The following BLTP2 variants were observed in gnomAD, a reference collection of about 807,000 sequenced individuals.
BLTP2 encodes bridge-like lipid transfer protein family member 2.
the BLTP2 span, chr17:28,638,654 C>T: frequency 6.1e-6 from 9 of 1,467,906 alleles, no homozygotes; most frequent in South Asian, 5.9e-5. Flanking sequence ...TGCATAGGAA[C>T]AAGACATCAT....
At chr17:28,631,692 G>C in the BLTP2 span, 2 of 1,613,828 alleles carry the variant, frequency 1.2e-6, no homozygotes, top group East Asian at 2.2e-5. Context: ...CTGAGAAAAA[G>C]AGGCACACAG....
chr17:28,639,726 G>A, the BLTP2 span: 4 of 1,434,906 alleles, frequency 2.8e-6, no homozygotes, highest in Non-Finnish European at 3.9e-6. Context: ...GCCGGCAAAG[G>A]GATCAACAGA....
chr17:28,628,520 G>A, the BLTP2 span: 3 of 1,614,080 alleles, frequency 1.9e-6, no homozygotes, highest in South Asian at 1.1e-5. Flanking sequence ...TGCAGCTGAT[G>A]TGTATGAAAG....
the BLTP2 span, chr17:28,616,105 G>A: frequency 1.4e-5 from 23 of 1,612,722 alleles, no homozygotes; most frequent in Non-Finnish European, 2.0e-5. The surrounding 1 kb of genome is among the most constrained non-coding windows in gnomAD (Gnocchi z 4.8). Context: ...CCTTGTAGCT[G>A]ACACACAGTG....
At chr17:28,617,010 G>C in the BLTP2 span, 1 of 1,591,760 alleles carries the variant, frequency 6.3e-7, no homozygotes, top group African/African-American at 1.3e-5. Context: ...CTGTAGGATA[G>C]AGAGTAAAGA....
the BLTP2 span, chr17:28,632,065 A>G: frequency 6.2e-7 from 1 of 1,612,904 alleles, no homozygotes; most frequent in Non-Finnish European, 8.5e-7. Flanking sequence ...CTGGGGAAAG[A>G]GGGCTGTATA....
chr17:28,644,965 G>C, the BLTP2 span: 34 of 1,558,270 alleles, frequency 2.2e-5, no homozygotes, highest in African/African-American at 2.0e-4. Flanking sequence ...CGCCGCCGCC[G>C]CCGGCGCGGC....
At chr17:28,626,169 T>C in the BLTP2 span, among the ~76,000 whole-genome samples, 1 of 152,162 alleles carries the variant, frequency 6.6e-6, no homozygotes, top group African/African-American at 2.4e-5. Flanking sequence ...CCCAGATCTG[T>C]CTTCATAAAA....
At chr17:28,642,826 G>A in the BLTP2 span, 3 of 1,134,248 alleles carry the variant, frequency 2.6e-6, no homozygotes, top group East Asian at 4.7e-5. Context: ...GCAACTCTGA[G>A]GCAAGAATAG....
At chr17:28,628,496 G>A in the BLTP2 span, 2 of 1,614,096 alleles carry the variant, frequency 1.2e-6, no homozygotes, top group Non-Finnish European at 1.7e-6. Flanking sequence ...CAGGAAATCC[G>A]TAAATCTACT....
chr17:28,617,616 C>T, the BLTP2 span, among the ~76,000 whole-genome samples: 1 of 152,182 alleles, frequency 6.6e-6, no homozygotes, highest in African/African-American at 2.4e-5. Context: ...TTCTTTACGT[C>T]AATGGCAGAA....
At chr17:28,641,934 G>A in the BLTP2 span, 3 of 1,614,090 alleles carry the variant, frequency 1.9e-6, no homozygotes, top group Middle Eastern at 1.7e-4. Context: ...CCCTGGCACA[G>A]CAGTTGGCTC....
chr17:28,635,120 A>G, the BLTP2 span: 2 of 1,613,648 alleles, frequency 1.2e-6, no homozygotes, highest in Non-Finnish European at 1.7e-6. Context: ...ACCGAGACTG[A>G]GCCGAAAGAG....
chr17:28,639,359 T>G, the BLTP2 span: 1 of 1,614,168 alleles, frequency 6.2e-7, no homozygotes, highest in Admixed American at 1.7e-5. Context: ...ACCCTTGGGT[T>G]TCCAGTGCTA....
chr17:28,637,112 A>G, the BLTP2 span: 1 of 1,614,196 alleles, frequency 6.2e-7, no homozygotes, highest in Admixed American at 1.7e-5. Context: ...GAATCCCCAC[A>G]GTGGACGTCT....
the BLTP2 span, among the ~76,000 whole-genome samples, chr17:28,629,634 C>T: frequency 1.3e-5 from 2 of 152,246 alleles, no homozygotes; most frequent in Non-Finnish European, 2.9e-5. Context: ...CCTGCCACCA[C>T]GCCCAGCAAA....
chr17:28,643,763 A>G, the BLTP2 span: 1 of 1,161,228 alleles, frequency 8.6e-7, no homozygotes. Context: ...TCTCTTTCAT[A>G]GCCATGTTGC....
At chr17:28,641,647 T>TA in the BLTP2 span, among the ~76,000 whole-genome samples, 483 of 141,620 alleles carry the variant, frequency 3.4e-3, 2 homozygotes, top group African/African-American at 5.7e-3. Flanking sequence ...TCTTTTTTTT[T>TA]AAAAAAAAAG....
chr17:28,631,321 C>A, the BLTP2 span, among the ~76,000 whole-genome samples: 45 of 152,260 alleles, frequency 3.0e-4, no homozygotes, highest in African/African-American at 9.4e-4. Context: ...CCCAACCATG[C>A]GGGCACCGTG....
Sources: allele counts gnomAD v4.1 joint callset (sites outside exome capture counted in the v4.1 genomes callset), GRCh38; gene constraint gnomAD v4.1.1; non-coding constraint Gnocchi (gnomAD v3.1); transcripts MANE v1.5; gene names NCBI Gene and HGNC (gene_info 2026-07-23, HGNC 2026-07-21).